The following DNAJC16 variants were observed in gnomAD, a reference collection of about 807,000 sequenced individuals.
DNAJC16 encodes DnaJ heat shock protein family (Hsp40) member C16, also known as dnaJ homolog subfamily C member 16.
A neutral mutation model predicts 92.7 loss-of-function variants in DNAJC16; 76 were observed. That is an observed-to-expected ratio of 0.82 (90% CI 0.68 to 0.99). DNAJC16 has a LOEUF of 0.99. DNAJC16 is among the 50% of genes least tolerant of loss of function. DNAJC16 has a pLI of 0.00. For synonymous variants in DNAJC16, 328 were observed against 358.7 expected, an observed-to-expected ratio of 0.91 and a Z score of 0.97; for missense variants, 869 against 942.4, an observed-to-expected ratio of 0.92 and a Z score of 1.02.
At chr1:15,537,536 T>C (rs1000569760) in intron 4 of DNAJC16, among the ~76,000 whole-genome samples, 2 of 152,230 alleles carry the variant, frequency 1.3e-5, no homozygotes, top group Admixed American at 6.5e-5. Context: ...CCTTCTGTAT[T>C]TTCTAACTCC....
At chr1:15,563,205 T>A (rs1638729629) in intron 9 of DNAJC16, among the ~76,000 whole-genome samples, 1 of 152,050 alleles carries the variant, frequency 6.6e-6, no homozygotes, top group African/African-American at 2.4e-5. Context: ...GCTTTAACTT[T>A]TAACAAAAGC....
At chr1:15,560,539 C>T (rs1290681782) in intron 8 of DNAJC16, among the ~76,000 whole-genome samples, 1 of 152,102 alleles carries the variant, frequency 6.6e-6, no homozygotes, top group African/African-American at 2.4e-5. Flanking sequence ...GAATCAGTAG[C>T]TTTAAATTTA....
chr1:15,543,683 G>A (rs1237428199), intron 4 of DNAJC16, among the ~76,000 whole-genome samples: 1 of 152,180 alleles, frequency 6.6e-6, no homozygotes, highest in Non-Finnish European at 1.5e-5. Flanking sequence ...GGATATTATT[G>A]CAGCAACATA....
intron 1 of DNAJC16, 68 bp downstream of exon 1, chr1:15,527,026 CCCT>C (rs1347258435): frequency 6.6e-6 from 1 of 152,298 alleles, no homozygotes; most frequent in Non-Finnish European, 1.5e-5. Context: ...CAGGGATTTC[CCCT>C]CAGTTCCTTC....
intron 7 of DNAJC16, among the ~76,000 whole-genome samples, chr1:15,549,642 G>A (rs1185330060): frequency 1.3e-5 from 2 of 151,508 alleles, no homozygotes; most frequent in South Asian, 2.1e-4. Context: ...GTGAAACCCC[G>A]TCTCTACTAA....
chr1:15,534,079 T>G (rs548043607), intron 2 of DNAJC16, among the ~76,000 whole-genome samples, 158 bp from the exon 3 acceptor site: 12 of 152,338 alleles, frequency 7.9e-5, no homozygotes, highest in Non-Finnish European at 1.6e-4. Flanking sequence ...ATTATAGTCA[T>G]GTAAAACAAC....
chr1:15,538,177 A>T (rs1710838083), intron 4 of DNAJC16, among the ~76,000 whole-genome samples: 1 of 152,082 alleles, frequency 6.6e-6, no homozygotes, highest in Non-Finnish European at 1.5e-5. Context: ...CAGGTGGATC[A>T]CAAGGTCAGG....
At chr1:15,557,075 T>G (rs1003882460) in intron 7 of DNAJC16, among the ~76,000 whole-genome samples, 2 of 152,244 alleles carry the variant, frequency 1.3e-5, no homozygotes, top group African/African-American at 4.8e-5. Context: ...AATATATTGC[T>G]GGATTCCATT....
chr1:15,558,171 CTTTTTT>C lies in DNAJC16; in HGVS notation c.1024-1336_1024-1331del, dbSNP rs1184997158. Among the ~76,000 whole-genome samples the C allele has an allele frequency of 3.2e-3, 372 of 117,802 alleles. 1 individual carries two copies. Among genetic ancestry groups the C allele is most frequent in the African/African-American group, 0.011 (324 of 29,064 alleles). 77.3% of individuals were successfully genotyped at this position (117,802 alleles called of 152,430 possible). On this transcript the variant is annotated intron_variant, in intron 7 of 14. Coordinates refer to ENST00000375847, the MANE Select transcript of DNAJC16 (RefSeq NM_015291.4). ...CAGGCATGAGCCACCATACCCAGCC[CTTTTTT>C]TTTTTTTTTTTTTTTTTTCTTGAGA...
chr1:15,538,096 C>G (rs936585226), intron 4 of DNAJC16, among the ~76,000 whole-genome samples: 1 of 152,032 alleles, frequency 6.6e-6, no homozygotes, highest in African/African-American at 2.4e-5. Context: ...ACCATGACTT[C>G]CTGTTTAAAA....
At chr1:15,533,103 C>T (rs1315015150) in intron 2 of DNAJC16, among the ~76,000 whole-genome samples, 1 of 152,202 alleles carries the variant, frequency 6.6e-6, no homozygotes, top group African/African-American at 2.4e-5. Context: ...TACAAAGTCT[C>T]TTAAAGTGAA....
intron 7 of DNAJC16, among the ~76,000 whole-genome samples, chr1:15,556,202 T>G (rs1039427838): frequency 4.0e-5 from 6 of 148,192 alleles, no homozygotes; most frequent in African/African-American, 1.5e-4. Flanking sequence ...TTTGCTGGTA[T>G]AAGTAATACA....
intron 2 of DNAJC16, among the ~76,000 whole-genome samples, chr1:15,533,280 A>C (rs1710700715): frequency 6.6e-6 from 1 of 152,140 alleles, no homozygotes; most frequent in African/African-American, 2.4e-5. Flanking sequence ...GGAGGATGGC[A>C]TGAGTCCAGG....
chr1:15,544,620 GT>G (rs1638246699), intron 5 of DNAJC16, 37 bp downstream of exon 5: 1 of 1,603,358 alleles, frequency 6.2e-7, no homozygotes. Flanking sequence ...CTGAGAAGTA[GT>G]TTAAGAGGTA....
chr1:15,533,866 C>T (rs118052077), intron 2 of DNAJC16, among the ~76,000 whole-genome samples: 224 of 152,220 alleles, frequency 1.5e-3, no homozygotes, highest in Non-Finnish European at 2.2e-3. Context: ...TGGGATGAAA[C>T]GTTGCCATCC....
chr1:15,557,459 T>C (rs1361854229), intron 7 of DNAJC16, among the ~76,000 whole-genome samples: 4 of 152,304 alleles, frequency 2.6e-5, no homozygotes, highest in Middle Eastern at 3.4e-3. Flanking sequence ...AGAACCAGTT[T>C]TGTCTTTGTT....
In DNAJC16 at chr1:15,536,693, T is replaced by C; in HGVS notation, c.453T>C (p.Asn151=). 2 of 1,614,196 alleles carry C rather than the reference T, an allele frequency of 1.2e-6. No individual in the cohort carries two copies. Among genetic ancestry groups the C allele is most frequent in the Non-Finnish European group, 1.7e-6 (2 of 1,180,036 alleles). ...KYLLHFSHYV[N]EVVPDSFKKP... Reference sequence around the variant, plus strand: ...TATTGCACTTTTCACATTATGTGAATGAAGTGGTTCCAGATAGCTTCAAGA... The same window carrying C: ...TATTGCACTTTTCACATTATGTGAACGAAGTGGTTCCAGATAGCTTCAAGA... Residue 151 remains asparagine (N), a synonymous_variant, in exon 4 of 15, where the codon AAT becomes AAC. Coordinates refer to ENST00000375847, the MANE Select transcript of DNAJC16 (RefSeq NM_015291.4).
At position 15,536,662 on chromosome 1, in the gene DNAJC16, A is replaced by C; in HGVS notation, c.422A>C (p.Lys141Thr). ...GAACGGCGGGACTCAATTGACGAAA[A>C]GTATTTATTGCACTTTTCACATTAT... ...NSERRDSIDE[K>T]YLLHFSHYVN... Residue 141 changes from lysine (K) to threonine (T), a missense_variant, in exon 4 of 15, where the codon AAG (lysine) becomes ACG (threonine). Transcript: ENST00000375847. 6.2e-7 allele frequency: 1 copy of C among 1,614,140 alleles called. No homozygotes were observed. Among genetic ancestry groups the C allele is most frequent in the South Asian group, 1.1e-5 (1 of 91,074 alleles).
Position 15,555,942 on chromosome 1 carries a change from G to A in DNAJC16, c.1024-3584G>A, listed in dbSNP as rs141108305. On this transcript the variant is annotated intron_variant, in intron 7 of 14. Transcript: ENST00000375847. ...GGAGGCGGAGGTTGTGATGAGCCAC[G>A]ATCGTGCCATTGCACTTCAGCCTGG... Among the ~76,000 whole-genome samples, 120 of 148,322 alleles carry A rather than the reference G, an allele frequency of 8.1e-4. 1 individual carries two copies. The East Asian group carries it at 0.023, about 28-fold the overall frequency.
Sources: gnomAD v4.1 joint callset for allele counts (sites outside exome capture counted in the v4.1 genomes callset) on GRCh38, gnomAD v4.1.1 for gene constraint, MANE v1.5 for transcripts, NCBI Gene and HGNC (gene_info 2026-07-23, HGNC 2026-07-21) for gene names.